Variants in TTLL7 observed in about 807,000 individuals in gnomAD.
The protein encoded by TTLL7 is tubulin tyrosine ligase like 7, also known as tubulin polyglutamylase TTLL7.
TTLL7 carries 53 observed loss-of-function variants against 120.2 expected under a neutral mutation model. That is an observed-to-expected ratio of 0.44 (90% CI 0.35 to 0.55). The LOEUF is 0.55. TTLL7 is among the 20% of genes least tolerant of loss of function. The pLI is 0.00. For missense variants in TTLL7, 803 were observed against 1,054.7 expected (o/e 0.76, Z 3.31); for synonymous variants, 353 against 351.7 (o/e 1.00, Z -0.04).
intron 3 of TTLL7, among the ~76,000 whole-genome samples, chr1:83,950,456 A>G (rs751993510): frequency 2.0e-5 from 3 of 152,124 alleles, no homozygotes; most frequent in Non-Finnish European, 4.4e-5. Flanking sequence ...CAACTCATCT[A>G]TGTTTACTTA....
In TTLL7 at chr1:83,904,103, T is replaced by C. The variant is rs1432084166; in HGVS notation, c.2184A>G (p.Lys728=). ...CTTTTCGTTGTTTTACAGAGTCCAA[T>C]TTTATGAGCCAATATGAAGCCACTT... The part of the protein sequence containing the change: ...KTKVASYWLI[K]LDSVKQRKVL... The change falls in exon 18 of 21, where the codon AAA becomes AAG. Residue 728 remains lysine, a synonymous_variant. Transcript: ENST00000260505. The C allele has an allele frequency of 3.1e-6, 5 of 1,612,090 alleles. No homozygotes were observed. Among genetic ancestry groups the C allele is most frequent in the East Asian group, 2.2e-5 (1 of 44,770 alleles).
At chr1:83,986,451 G>A (rs1295511705) in intron 1 of TTLL7, among the ~76,000 whole-genome samples, 1 of 152,082 alleles carries the variant, frequency 6.6e-6, no homozygotes, top group African/African-American at 2.4e-5. Flanking sequence ...AGCATACTAA[G>A]GACAGAGAGA....
At chr1:83,938,881 CATTATT>C (rs753431349) in intron 7 of TTLL7, among the ~76,000 whole-genome samples, 2 of 152,050 alleles carry the variant, frequency 1.3e-5, no homozygotes, top group African/African-American at 4.8e-5. Flanking sequence ...ACTTCATTCA[CATTATT>C]ATTATTTTGA....
rs750133714 is a variant in TTLL7 at position 83,949,883 on chromosome 1, T to C, written c.261A>G (p.Ser87=). 22 of 1,613,484 alleles carry C rather than the reference T, an allele frequency of 1.4e-5. No homozygotes were observed. The Admixed American group carries it at 3.7e-4, about 27-fold the overall frequency. ...CDSAVQQEKI[S]ELQNYQRINH... ...TTCCTACCTGATAATTTTGCAGCTC[T>C]GAAATTTTCTCCTGCTGAACAGCAG... Residue 87 remains serine, a synonymous_variant, in exon 4 of 21, where the codon TCA becomes TCG. Transcript: ENST00000260505.
intron 1 of TTLL7, among the ~76,000 whole-genome samples, chr1:83,964,329 A>G (rs1650263349): frequency 6.6e-6 from 1 of 152,102 alleles, no homozygotes; most frequent in Admixed American, 6.6e-5. Context: ...TGGAATGCAG[A>G]ATAGAATTGG....
At chr1:83,922,394 C>G (rs1658751679) in intron 10 of TTLL7, among the ~76,000 whole-genome samples, 1 of 152,040 alleles carries the variant, frequency 6.6e-6, no homozygotes, top group South Asian at 2.1e-4. Context: ...TACATATTGC[C>G]TCATTTAATT....
rs929822070 is a variant in TTLL7, at chr1:83,867,559, G to A, written c.*2403C>T. On this transcript the variant is annotated 3_prime_UTR_variant, in exon 21 of 21. Coordinates refer to ENST00000260505, the MANE Select transcript of TTLL7 (RefSeq NM_024686.6). ...GTGTGTGTGTGTGTGTGTGTTTTCTGTGAGGAGTGTTTCTCCTAGTGATGG... is the reference window on the plus strand; with the variant it reads ...GTGTGTGTGTGTGTGTGTGTTTTCTATGAGGAGTGTTTCTCCTAGTGATGG... 6.6e-6 allele frequency: 1 copy of A among 151,450 alleles called. No individual in the cohort carries two copies. The highest frequency in any genetic ancestry group is 2.4e-5 in the African/African-American group (1 of 41,308). 9.4% of individuals were successfully genotyped at this position (151,450 alleles called of 1,614,324 possible). A position where few individuals can be genotyped will look rare whatever the true frequency, so the allele number is the denominator to read the frequency against.
At chr1:83,975,326 T>C (rs1651366991) in intron 1 of TTLL7, among the ~76,000 whole-genome samples, 1 of 152,102 alleles carries the variant, frequency 6.6e-6, no homozygotes, top group African/African-American at 2.4e-5. Flanking sequence ...CCTCAAGTGA[T>C]TTAAATTTGC....
intron 1 of TTLL7, among the ~76,000 whole-genome samples, chr1:83,992,713 G>C (rs1653111609): frequency 6.7e-6 from 1 of 149,614 alleles, no homozygotes; most frequent in Non-Finnish European, 1.5e-5. Flanking sequence ...TCTTGGATGT[G>C]ATCAAACCTA....
At chr1:83,892,831 T>C (rs887362837) in intron 18 of TTLL7, among the ~76,000 whole-genome samples, 1 of 150,960 alleles carries the variant, frequency 6.6e-6, no homozygotes, top group Non-Finnish European at 1.5e-5. Flanking sequence ...TGTGAACATA[T>C]ATATGAACAC....
intron 4 of TTLL7, 117 bp downstream of exon 4, chr1:83,949,748 C>T (rs1648864346): frequency 2.6e-6 from 3 of 1,133,996 alleles, no homozygotes; most frequent in Admixed American, 4.4e-5. Context: ...ACAGGCTATT[C>T]AGGTGAGTAA....
At chr1:83,963,594 G>T (rs1341404827) in intron 1 of TTLL7, among the ~76,000 whole-genome samples, 1 of 151,846 alleles carries the variant, frequency 6.6e-6, no homozygotes, top group East Asian at 1.9e-4. Context: ...TGCATAAAAT[G>T]CCACAACTCA....
At position 83,883,085 on chromosome 1, in the gene TTLL7, C is replaced by T. The variant is rs1186915348; in HGVS notation, c.2421G>A (p.Leu807=). 1.9e-6 allele frequency: 3 copies of T among 1,611,826 alleles called. No homozygotes were observed. Among genetic ancestry groups the T allele is most frequent in the African/African-American group, 2.7e-5 (2 of 74,724 alleles). Residue 807 remains leucine (L), a synonymous_variant, in exon 20 of 21, where the codon TTG becomes TTA. Coordinates refer to ENST00000260505, the MANE Select transcript of TTLL7 (RefSeq NM_024686.6). ...CTAGGCGCTGGCAACACTGGAGCTG[C>T]AAAGGAGTCACCACCTCCGGGCTTT... ...FNKSPEVVTP[L]QLQCCQRLVE... is the part of the protein sequence containing the mutation.
intron 9 of TTLL7, among the ~76,000 whole-genome samples, chr1:83,929,455 T>C (rs1659408658): frequency 6.6e-6 from 1 of 152,110 alleles, no homozygotes; most frequent in Non-Finnish European, 1.5e-5. Flanking sequence ...CAAGGCTGCC[T>C]TAGTTTAGGA....
intron 1 of TTLL7, among the ~76,000 whole-genome samples, chr1:83,971,790 C>T (rs959780947): frequency 2.0e-5 from 3 of 152,032 alleles, no homozygotes; most frequent in African/African-American, 7.2e-5. Context: ...CTCCCCACTT[C>T]AGTCTCCCTG....
At chr1:83,951,143 A>G (rs1461219006) in intron 3 of TTLL7, among the ~76,000 whole-genome samples, 2 of 152,100 alleles carry the variant, frequency 1.3e-5, no homozygotes, top group African/African-American at 4.8e-5. Flanking sequence ...AGGTCAGGAG[A>G]TAGAGACCAT....
intron 1 of TTLL7, among the ~76,000 whole-genome samples, chr1:83,985,322 A>G (rs1652342740): frequency 6.6e-6 from 1 of 152,212 alleles, no homozygotes; most frequent in Non-Finnish European, 1.5e-5. Flanking sequence ...AGAAGGAAGC[A>G]TCCAAGGCTG....
chr1:83,930,452 G>T (rs2100816294), intron 9 of TTLL7, among the ~76,000 whole-genome samples: 1 of 152,218 alleles, frequency 6.6e-6, no homozygotes, highest in African/African-American at 2.4e-5. Flanking sequence ...TCAAGGAGAA[G>T]GAAATAGCTT....
chr1:83,903,682 A>T (rs575524637), intron 18 of TTLL7, among the ~76,000 whole-genome samples: 3 of 152,062 alleles, frequency 2.0e-5, no homozygotes, highest in Non-Finnish European at 4.4e-5. Flanking sequence ...GTTTAGGGAT[A>T]ATGACAAGGG....
Sources: gnomAD v4.1 joint callset for allele counts (sites outside exome capture counted in the v4.1 genomes callset) on GRCh38, gnomAD v4.1.1 for gene constraint, MANE v1.5 for transcripts, NCBI Gene and HGNC (gene_info 2026-07-23, HGNC 2026-07-21) for gene names.